CPQ: variants seen among roughly 807,000 people sequenced by gnomAD.
The protein encoded by CPQ is Ser-Met dipeptidase.
Under a neutral mutation model 45.7 loss-of-function variants are expected in CPQ, and 37 were observed. That is an observed-to-expected ratio of 0.81 (90% CI 0.62 to 1.07). CPQ has a LOEUF of 1.07. CPQ is among the 50% of genes least tolerant of loss of function. CPQ has a pLI of 0.00. For missense variants in CPQ, 537 were observed against 572.9 expected (o/e 0.94, Z 0.64); for synonymous variants, 186 against 205.8 (o/e 0.90, Z 0.82).
At chr8:96,908,706 A>G (rs1812614450) in intron 4 of CPQ, among the ~76,000 whole-genome samples, 2 of 151,072 alleles carry the variant, frequency 1.3e-5, no homozygotes, top group South Asian at 4.2e-4. Context: ...CTTACTGGAA[A>G]AATTATGCAG....
At chr8:96,811,276 T>C (rs1811158362) in intron 2 of CPQ, among the ~76,000 whole-genome samples, 1 of 152,160 alleles carries the variant, frequency 6.6e-6, no homozygotes, top group Admixed American at 6.5e-5. Context: ...TTATTTTATC[T>C]TGATTATAGA....
At chr8:96,950,734 G>A (rs570537352) in intron 4 of CPQ, among the ~76,000 whole-genome samples, 3 of 152,234 alleles carry the variant, frequency 2.0e-5, no homozygotes, top group Non-Finnish European at 4.4e-5. Flanking sequence ...AAATGAATTA[G>A]GATGCTAGAT....
At chr8:96,732,053 C>G (rs1192682221) in intron 1 of CPQ, among the ~76,000 whole-genome samples, 2 of 151,988 alleles carry the variant, frequency 1.3e-5, no homozygotes, top group African/African-American at 4.8e-5. Flanking sequence ...AAGTCTGAGG[C>G]TTGAGGAATT....
intron 2 of CPQ, among the ~76,000 whole-genome samples, chr8:96,805,904 G>A (rs1021802929): frequency 7.9e-5 from 12 of 152,110 alleles, no homozygotes; most frequent in African/African-American, 2.9e-4. Flanking sequence ...GAACTAGCTG[G>A]ACGGGGCCAG....
intron 1 of CPQ, among the ~76,000 whole-genome samples, chr8:96,664,987 G>A (rs1808900253): frequency 6.6e-6 from 1 of 152,174 alleles, no homozygotes; most frequent in South Asian, 2.1e-4. Context: ...CCCTTGAAAA[G>A]CTTTAAGTCT....
At chr8:97,123,024 T>TAAAAA (rs1356576854) in intron 7 of CPQ, among the ~76,000 whole-genome samples, 2 of 26,408 alleles carry the variant, frequency 7.6e-5, no homozygotes, top group Non-Finnish European at 1.2e-4. Flanking sequence ...TAAAATAAAA[T>TAAAAA]AAATAAAATA....
chr8:96,999,952 T>A (rs1809245349), intron 5 of CPQ, among the ~76,000 whole-genome samples: 2 of 151,952 alleles, frequency 1.3e-5, no homozygotes, highest in African/African-American at 4.8e-5. Flanking sequence ...AGATGGTATC[T>A]CATTGCAGTT....
chr8:96,877,998 T>G (rs1244591336), intron 3 of CPQ, among the ~76,000 whole-genome samples: 1 of 152,172 alleles, frequency 6.6e-6, no homozygotes, highest in Non-Finnish European at 1.5e-5. Flanking sequence ...AGTCTCGCTC[T>G]GTCGCCCAGG....
intron 5 of CPQ, among the ~76,000 whole-genome samples, chr8:97,017,617 G>A (rs956764782): frequency 1.3e-4 from 20 of 152,112 alleles, no homozygotes; most frequent in African/African-American, 3.9e-4. Flanking sequence ...GGAGCTGGAT[G>A]AGGCCTGTGA....
At chr8:96,900,029 C>A (rs1812495301) in intron 4 of CPQ, among the ~76,000 whole-genome samples, 1 of 152,136 alleles carries the variant, frequency 6.6e-6, no homozygotes, top group Admixed American at 6.5e-5. Context: ...ATTCCTGGTA[C>A]CTTTTCTTTC....
intron 4 of CPQ, among the ~76,000 whole-genome samples, chr8:96,949,010 C>CT (rs1453575168): frequency 1.3e-5 from 2 of 152,068 alleles, no homozygotes; most frequent in African/African-American, 4.8e-5. Context: ...TAGCCCTTCA[C>CT]TTTCACCCTG....
chr8:97,044,501 A>G (rs966968413), intron 6 of CPQ, among the ~76,000 whole-genome samples: 3 of 152,158 alleles, frequency 2.0e-5, no homozygotes, highest in African/African-American at 4.8e-5. Context: ...GTCATTCTCC[A>G]TCCAGCTTTG....
chr8:96,880,518 CATATATATAT>C lies in CPQ; in HGVS notation c.849+563_849+572del, dbSNP rs200512558. ...GCTGGCTAAAAAACAAATATATGGT[CATATATATAT>C]ATATATATATATATATATATATATA... On this transcript the variant is annotated intron_variant, in intron 4 of 7. Transcript: ENST00000220763. Among the ~76,000 whole-genome samples the C allele has an allele frequency of 1.4e-3, 140 of 97,228 alleles. 1 individual carries two copies. Among genetic ancestry groups the C allele is most frequent in the African/African-American group, 2.0e-3 (49 of 24,136 alleles). The allele number at this position is 97,228 out of a possible 152,430, so 63.8% of individuals were successfully genotyped here. A position where few individuals can be genotyped will look rare whatever the true frequency, so the allele number is the denominator to read the frequency against.
At chr8:96,939,021 T>A (rs576105258) in intron 4 of CPQ, among the ~76,000 whole-genome samples, 9 of 152,316 alleles carry the variant, frequency 5.9e-5, no homozygotes, top group African/African-American at 2.2e-4. Context: ...TAGTATTTCG[T>A]CATACAAGGT....
intron 7 of CPQ, among the ~76,000 whole-genome samples, chr8:97,083,761 G>A (rs1003320602): frequency 3.9e-5 from 6 of 152,118 alleles, no homozygotes; most frequent in Admixed American, 3.3e-4. Context: ...TCTCACAGGC[G>A]ACATCAAGTT....
intron 1 of CPQ, among the ~76,000 whole-genome samples, chr8:96,709,312 C>T (rs1809577266): frequency 6.6e-6 from 1 of 152,054 alleles, no homozygotes; most frequent in South Asian, 2.1e-4. Flanking sequence ...TGCATACCTA[C>T]AGCTTAGCTC....
intron 5 of CPQ, among the ~76,000 whole-genome samples, chr8:96,985,472 A>G (rs1808948310): frequency 6.6e-6 from 1 of 151,950 alleles, no homozygotes; most frequent in Admixed American, 6.6e-5. Context: ...CATCCTTTCA[A>G]TTTATTTCTC....
intron 1 of CPQ, among the ~76,000 whole-genome samples, chr8:96,717,217 ACTT>A (rs1276680857): frequency 1.3e-5 from 2 of 151,132 alleles, no homozygotes; most frequent in Admixed American, 1.3e-4. Flanking sequence ...TCATATAATG[ACTT>A]CTTTTTCTTT....
chr8:96,941,738 T>C (rs749085436), intron 4 of CPQ, among the ~76,000 whole-genome samples: 3 of 152,178 alleles, frequency 2.0e-5, no homozygotes, highest in Admixed American at 1.3e-4. Flanking sequence ...AGGTATGTCA[T>C]GAATATAACT....
Sources: gnomAD v4.1 joint callset for allele counts (sites outside exome capture counted in the v4.1 genomes callset) on GRCh38, gnomAD v4.1.1 for gene constraint, MANE v1.5 for transcripts, NCBI Gene and HGNC (gene_info 2026-07-23, HGNC 2026-07-21) for gene names.